STK39: variants seen among roughly 807,000 people sequenced by gnomAD.
STK39 encodes the protein serine/threonine kinase 39.
Under a neutral mutation model 77.8 loss-of-function variants are expected in STK39, and 20 were observed. The ratio of observed to expected loss-of-function variants is 0.26; its 90% CI spans 0.18 to 0.37. The LOEUF (loss-of-function observed/expected upper bound fraction) is 0.37. STK39 is among the 10% of genes least tolerant of loss of function. The pLI is 1.00. For synonymous variants in STK39, 246 were observed against 234.1 expected (o/e 1.05, Z -0.47); for missense variants, 479 against 656.5 (o/e 0.73, Z 2.95).
At chr2:168,119,502 T>C (rs1687350085) in intron 10 of STK39, among the ~76,000 whole-genome samples, 1 of 152,172 alleles carries the variant, frequency 6.6e-6, no homozygotes, top group Non-Finnish European at 1.5e-5. Context: ...ATAGTAATAG[T>C]GAAAAGTCGT....
At chr2:168,194,271 T>G (rs1689415933) in intron 1 of STK39, among the ~76,000 whole-genome samples, 1 of 151,870 alleles carries the variant, frequency 6.6e-6, no homozygotes, top group Non-Finnish European at 1.5e-5. Flanking sequence ...AAAATAAAAA[T>G]TAGCTGGGCA....
intron 14 of STK39, among the ~76,000 whole-genome samples, chr2:168,052,249 T>C (rs948638736): frequency 6.6e-6 from 1 of 152,182 alleles, no homozygotes; most frequent in African/African-American, 2.4e-5. Flanking sequence ...AGTTCTTGCC[T>C]GCTGGACTGA....
chr2:168,239,331 C>T (rs566817782), intron 1 of STK39, among the ~76,000 whole-genome samples: 3 of 152,326 alleles, frequency 2.0e-5, no homozygotes, highest in African/African-American at 7.2e-5. Flanking sequence ...CCACTCCACC[C>T]TACAATGTCT....
chr2:168,011,568 T>C (rs564843810), intron 16 of STK39, among the ~76,000 whole-genome samples: 38 of 152,282 alleles, frequency 2.5e-4, no homozygotes, highest in African/African-American at 8.7e-4. Flanking sequence ...ATGGAGCTAT[T>C]CATCCTCACC....
chr2:168,095,891 A>G (rs1223005893), intron 10 of STK39, among the ~76,000 whole-genome samples: 3 of 152,022 alleles, frequency 2.0e-5, no homozygotes, highest in Non-Finnish European at 4.4e-5. Flanking sequence ...ACAAATCCCC[A>G]ATTATGTTGA....
rs1283416950 is a variant in STK39 at position 168,242,584 on chromosome 2, T to A, written c.208+4644A>T. On this transcript the variant is annotated intron_variant, in intron 1 of 17. Coordinates refer to ENST00000355999, the MANE Select transcript of STK39 (RefSeq NM_013233.3). ...AAATATATATATATATATATATATA[T>A]ATATATATATATAAAGAGGCCAGGC... Among the ~76,000 whole-genome samples the A allele has an allele frequency of 1.7e-3, 179 of 103,294 alleles. 9 individuals are homozygous for A. In the East Asian group the frequency reaches 0.048, roughly 28 times the overall value. 67.8% of individuals were successfully genotyped at this position (103,294 alleles called of 152,430 possible).
At chr2:167,968,455 A>G (rs1336868907) in intron 16 of STK39, among the ~76,000 whole-genome samples, 1 of 152,246 alleles carries the variant, frequency 6.6e-6, no homozygotes, top group Non-Finnish European at 1.5e-5. Flanking sequence ...CTTTTTCCTG[A>G]GATACCAGCT....
chr2:168,104,252 A>AT (rs935236850), intron 10 of STK39, among the ~76,000 whole-genome samples: 7 of 152,070 alleles, frequency 4.6e-5, no homozygotes, highest in Admixed American at 4.6e-4. Context: ...TTACCAGTTG[A>AT]TTTTTTCTCA....
At chr2:167,963,968 C>A (rs970188332) in intron 17 of STK39, among the ~76,000 whole-genome samples, 4 of 152,172 alleles carry the variant, frequency 2.6e-5, no homozygotes, top group Admixed American at 2.6e-4. Flanking sequence ...GTACTGTTCG[C>A]TAAAATTTTT....
intron 8 of STK39, among the ~76,000 whole-genome samples, chr2:168,130,126 T>C (rs2105508132): frequency 6.6e-6 from 1 of 152,316 alleles, no homozygotes; most frequent in South Asian, 2.1e-4. Context: ...CATATGACCC[T>C]GTCAAAGAAA....
intron 10 of STK39, among the ~76,000 whole-genome samples, chr2:168,117,816 C>T (rs540231820): frequency 6.6e-6 from 1 of 152,154 alleles, no homozygotes; most frequent in African/African-American, 2.4e-5. Context: ...TGGAGTGATC[C>T]CTTACCTCCA....
chr2:168,027,971 T>C (rs1391768310), intron 14 of STK39, among the ~76,000 whole-genome samples: 2 of 152,192 alleles, frequency 1.3e-5, no homozygotes, highest in Non-Finnish European at 2.9e-5. Flanking sequence ...AACAGACTTC[T>C]TCCCTAGCTA....
chr2:168,011,151 A>G (rs1684260338), intron 16 of STK39, among the ~76,000 whole-genome samples: 1 of 152,168 alleles, frequency 6.6e-6, no homozygotes, highest in Admixed American at 6.5e-5. Flanking sequence ...TACAAAAATT[A>G]GCCAGGCACG....
At position 167,989,931 on chromosome 2, in the gene STK39, T is replaced by C. The variant is rs146532222; in HGVS notation, c.1498+22703A>G. 9.6e-3 allele frequency among the ~76,000 whole-genome samples: 1,460 copies of C among 152,230 alleles called. 22 individuals are homozygous for C. The highest frequency in any genetic ancestry group is 0.033 in the African/African-American group (1,390 of 41,516). Reference sequence around the variant, plus strand: ...AAAGTGAACATATTTTTAAACTTAGTAATGGTAGATTAAAATTTCCAGTTG... The same window carrying C: ...AAAGTGAACATATTTTTAAACTTAGCAATGGTAGATTAAAATTTCCAGTTG... On this transcript the variant is annotated intron_variant, in intron 16 of 17. Transcript: ENST00000355999.
At chr2:167,996,939 G>T (rs1420858149) in intron 16 of STK39, among the ~76,000 whole-genome samples, 1 of 151,566 alleles carries the variant, frequency 6.6e-6, no homozygotes, top group East Asian at 1.9e-4. Context: ...GTCCTCCCAG[G>T]CAGTAAGAGA....
At position 168,145,084 on chromosome 2, in the gene STK39, T is replaced by C. The variant is rs558036759; in HGVS notation, c.629-4326A>G. On this transcript the variant is annotated intron_variant, in intron 5 of 17. Transcript: ENST00000355999. ...AGAGGAGCTATAACCATAATGGTCA[T>C]AGAAGACTATCTCCAAAGTGGGTCT... 6.6e-5 allele frequency among the ~76,000 whole-genome samples: 10 copies of C among 152,192 alleles called. No individual in the cohort carries two copies. In the South Asian group the frequency reaches 2.1e-3, roughly 32 times the overall value.
At chr2:168,216,833 T>C (rs57495486) in intron 1 of STK39, among the ~76,000 whole-genome samples, 20,888 of 152,196 alleles carry the variant, frequency 0.14, 2,656 homozygotes, top group East Asian at 0.34. Context: ...ACCGGCTCTG[T>C]GCCAGGCACT....
intron 1 of STK39, among the ~76,000 whole-genome samples, chr2:168,231,273 A>T (rs964523192): frequency 6.6e-6 from 1 of 152,282 alleles, no homozygotes; most frequent in East Asian, 1.9e-4. Context: ...TTAGAAAATT[A>T]GTCTCATTTC....
intron 17 of STK39, 81 bp downstream of exon 17, chr2:167,964,581 G>C (rs1692094426): frequency 7.9e-7 from 1 of 1,270,508 alleles, no homozygotes; most frequent in South Asian, 1.3e-5. Flanking sequence ...TTACAGAGTA[G>C]GTTATTAAAC....
Sources: gnomAD v4.1 joint callset for allele counts (sites outside exome capture counted in the v4.1 genomes callset) on GRCh38, gnomAD v4.1.1 for gene constraint, MANE v1.5 for transcripts, NCBI Gene and HGNC (gene_info 2026-07-23, HGNC 2026-07-21) for gene names.